HOMER1: variants seen among roughly 807,000 people sequenced by gnomAD.
HOMER1 encodes homer scaffold protein 1.
Under a neutral mutation model 48.9 loss-of-function variants are expected in HOMER1, and 3 were observed. That is an observed-to-expected ratio of 0.06 (90% CI 0.03 to 0.16). The LOEUF (loss-of-function observed/expected upper bound fraction) is 0.16, where lower values mean the gene tolerates loss of function less well. Ranked by LOEUF, HOMER1 falls within the 10% of genes least tolerant of loss-of-function variation. The pLI is 1.00. For synonymous variants in HOMER1, 134 were observed against 146.4 expected (o/e 0.92, Z 0.61); for missense variants, 247 against 411.4 (o/e 0.60, Z 3.46).
At chr5:79,438,427 C>A (rs1182290823) in intron 5 of HOMER1, among the ~76,000 whole-genome samples, 2 of 152,160 alleles carry the variant, frequency 1.3e-5, no homozygotes, top group Admixed American at 1.3e-4. Context: ...GAAACAGATT[C>A]TTTTAAAATT....
At chr5:79,429,192 C>G (rs1013029136) in intron 5 of HOMER1, among the ~76,000 whole-genome samples, 1 of 152,150 alleles carries the variant, frequency 6.6e-6, no homozygotes, top group African/African-American at 2.4e-5. Flanking sequence ...CCCGTCTCTA[C>G]TAAAAATACA....
intron 4 of HOMER1, among the ~76,000 whole-genome samples, chr5:79,439,631 C>T (rs1466432500): frequency 6.6e-6 from 1 of 151,926 alleles, no homozygotes; most frequent in Non-Finnish European, 1.5e-5. Context: ...ATTTGCAACA[C>T]GTTTTATCTG....
intron 8 of HOMER1, among the ~76,000 whole-genome samples, chr5:79,391,592 A>T (rs924764518): frequency 5.9e-5 from 9 of 151,830 alleles, no homozygotes; most frequent in Non-Finnish European, 1.0e-4. Context: ...AAAAAATGCA[A>T]AAAATTAGCC....
intron 8 of HOMER1, among the ~76,000 whole-genome samples, chr5:79,386,619 G>T (rs950192887): frequency 2.0e-5 from 3 of 152,208 alleles, no homozygotes; most frequent in Middle Eastern, 3.4e-3. Flanking sequence ...ATAAGAGAGG[G>T]ATTGAAATAT....
intron 8 of HOMER1, among the ~76,000 whole-genome samples, chr5:79,378,222 C>CAAAAAAA (rs58802660): frequency 3.5e-5 from 3 of 85,578 alleles, no homozygotes; most frequent in African/African-American, 7.7e-5. Context: ...GACTCTGTCT[C>CAAAAAAA]AAAAAAAAAA....
intron 1 of HOMER1, among the ~76,000 whole-genome samples, chr5:79,466,081 T>C (rs1751456681): frequency 6.6e-6 from 1 of 152,144 alleles, no homozygotes; most frequent in Non-Finnish European, 1.5e-5. Context: ...ACATCTTCAA[T>C]GTTCAAAGAA....
intron 1 of HOMER1, among the ~76,000 whole-genome samples, chr5:79,499,812 C>T (rs1752525639): frequency 6.6e-6 from 1 of 152,180 alleles, no homozygotes; most frequent in African/African-American, 2.4e-5. Context: ...ACTCCTGTTG[C>T]TATTGCAGTG....
chr5:79,385,094 T>G (rs1405492496), intron 8 of HOMER1, among the ~76,000 whole-genome samples: 1 of 152,086 alleles, frequency 6.6e-6, no homozygotes, highest in Non-Finnish European at 1.5e-5. Context: ...TCTCACCATA[T>G]ATGAAAATCA....
intron 5 of HOMER1, among the ~76,000 whole-genome samples, chr5:79,425,885 C>T (rs1395839102): frequency 6.6e-6 from 1 of 151,850 alleles, no homozygotes. Flanking sequence ...TTAGAAAAAG[C>T]AAGTAAGCCA....
intron 6 of HOMER1, among the ~76,000 whole-genome samples, chr5:79,398,582 T>A (rs996517586): frequency 1.2e-4 from 19 of 152,114 alleles, no homozygotes; most frequent in Middle Eastern, 3.2e-3. Context: ...ACCAACAGCC[T>A]CCCAGTGGAC....
At chr5:79,452,659 A>C (rs1439541742) in intron 2 of HOMER1, among the ~76,000 whole-genome samples, 1 of 152,176 alleles carries the variant, frequency 6.6e-6, no homozygotes, top group African/African-American at 2.4e-5. Context: ...AGAAGTCATA[A>C]AAATGAATGC....
chr5:79,430,470 A>C (rs1750392185), intron 5 of HOMER1, among the ~76,000 whole-genome samples: 1 of 152,254 alleles, frequency 6.6e-6, no homozygotes, highest in Admixed American at 6.5e-5. Flanking sequence ...CAAAGGCTAA[A>C]CATAGAATTA....
intron 5 of HOMER1, among the ~76,000 whole-genome samples, chr5:79,412,625 G>C (rs190042085): frequency 2.6e-5 from 4 of 152,310 alleles, no homozygotes; most frequent in Admixed American, 1.3e-4. Context: ...ACGGAAACTT[G>C]CAACTGTTGA....
At chr5:79,492,273 T>A (rs1752298793) in intron 1 of HOMER1, among the ~76,000 whole-genome samples, 2 of 152,178 alleles carry the variant, frequency 1.3e-5, no homozygotes, top group Admixed American at 6.5e-5. Flanking sequence ...GAGGCTGTAA[T>A]AGAATTAGTA....
At chr5:79,506,253 C>T (rs2112381865) in intron 1 of HOMER1, among the ~76,000 whole-genome samples, 1 of 151,780 alleles carries the variant, frequency 6.6e-6, no homozygotes. Context: ...TTAAAAAATC[C>T]AAGTAGAAGA....
intron 8 of HOMER1, among the ~76,000 whole-genome samples, chr5:79,376,984 G>T (rs771302269): frequency 1.3e-4 from 19 of 151,974 alleles, no homozygotes; most frequent in Non-Finnish European, 2.6e-4. Flanking sequence ...TCTTTTCTTT[G>T]AGACACAGTC....
chr5:79,510,186 G>C (rs1386985995), intron 1 of HOMER1, among the ~76,000 whole-genome samples: 1 of 149,312 alleles, frequency 6.7e-6, no homozygotes, highest in Non-Finnish European at 1.5e-5. Context: ...CCAAATACAG[G>C]CTTTCCAAAA....
At chr5:79,454,809 TG>T (rs1270814286) in intron 2 of HOMER1, among the ~76,000 whole-genome samples, 1 of 152,210 alleles carries the variant, frequency 6.6e-6, no homozygotes, top group African/African-American at 2.4e-5. Context: ...AATAATCGCC[TG>T]ATAATAGTAT....
intron 1 of HOMER1, among the ~76,000 whole-genome samples, chr5:79,488,324 A>G (rs12109845): frequency 0.08 from 12,203 of 152,302 alleles, 1,093 homozygotes; most frequent in East Asian, 0.23. Context: ...CGATTGATGC[A>G]GGAGATTAAT....
Sources: gnomAD v4.1 joint callset for allele counts (sites outside exome capture counted in the v4.1 genomes callset) on GRCh38, gnomAD v4.1.1 for gene constraint, MANE v1.5 for transcripts, NCBI Gene and HGNC (gene_info 2026-07-23, HGNC 2026-07-21) for gene names.